IL12RB1: variants seen among roughly 807,000 people sequenced by gnomAD.
IL12RB1 encodes interleukin 12 receptor subunit beta 1.
Under a neutral mutation model 94.4 loss-of-function variants are expected in IL12RB1, and 64 were observed. The observed-to-expected ratio is 0.68, with a 90% CI of 0.55 to 0.83. IL12RB1 has a LOEUF of 0.83. Ranked by LOEUF, IL12RB1 falls within the 40% of genes least tolerant of loss-of-function variation. The pLI is 0.00. For synonymous variants in IL12RB1, 362 were observed against 355.5 expected (o/e 1.02, Z -0.21); for missense variants, 814 against 855.6 (o/e 0.95, Z 0.61).
Position 18,071,326 on chromosome 19 carries a change from C to T in IL12RB1, c.1021+786G>A, listed in dbSNP as rs569529842. 3.6e-6 allele frequency: 3 copies of T among 824,438 alleles called. No homozygotes were observed. In the African/African-American group the frequency reaches 5.3e-5, roughly 14 times the overall value. 51.1% of individuals were successfully genotyped at this position (824,438 alleles called of 1,614,324 possible). ...GGCGGAGGTTGCAGTGAGCTGAGAT[C>T]ATGCCATCTGTCACAAGAAAAAAAA... On this transcript the variant is annotated intron_variant, in intron 9 of 16. Transcript: ENST00000593993.
intron 1 of IL12RB1, among the ~76,000 whole-genome samples, chr19:18,096,937 G>C (rs2036991311): frequency 6.6e-6 from 1 of 152,018 alleles, no homozygotes; most frequent in Admixed American, 6.6e-5. Flanking sequence ...TTGAGGCCAG[G>C]AGTTCAAGAC....
chr19:18,061,402 T>G (rs2034118070), intron 14 of IL12RB1, among the ~76,000 whole-genome samples: 1 of 152,114 alleles, frequency 6.6e-6, no homozygotes, highest in Admixed American at 6.5e-5. Flanking sequence ...GGCTAATTTT[T>G]GTAGTTTTGG....
chr19:18,079,441 TA>T (rs1267953638), intron 4 of IL12RB1, among the ~76,000 whole-genome samples: 1 of 152,058 alleles, frequency 6.6e-6, no homozygotes, highest in African/African-American at 2.4e-5. Flanking sequence ...CAATATACAT[TA>T]TTTTTAATTA....
At chr19:18,083,738 A>G (rs1275968680) in intron 1 of IL12RB1, among the ~76,000 whole-genome samples, 1 of 148,666 alleles carries the variant, frequency 6.7e-6, no homozygotes. Flanking sequence ...GAATTCATCC[A>G]TTCACCCATC....
rs758908533 is a variant in IL12RB1 at position 18,063,962 on chromosome 19, C to T, written c.1532G>A (p.Arg511Gln). The T allele has an allele frequency of 8.7e-6, 14 of 1,612,534 alleles. No homozygotes were observed. The highest frequency in any genetic ancestry group is 1.6e-4 in the Middle Eastern group (1 of 6,072). ...TETQVTLSGLRAGVAYTVQVR... is the reference protein window; with the variant it reads ...TETQVTLSGLQAGVAYTVQVR... ...CTGCACCGTGTAGGCTACACCAGCC[C>T]GCAGGCCACTGAGGGTAACTTGGGT... is the stretch of plus-strand genomic sequence containing the variant. Residue 511 changes from arginine (R) to glutamine (Q), a missense_variant, in exon 13 of 17, where the codon CGG (arginine) becomes CAG (glutamine). By Grantham distance (43) the Arg-to-Gln change is conservative. Transcript: ENST00000593993.
At chr19:18,097,919 C>T in intron 1 of IL12RB1, 1 of 1,065,020 alleles carries the variant, frequency 9.4e-7, no homozygotes, top group Non-Finnish European at 1.2e-6. Context: ...GGGGCCTTCA[C>T]GGGCTGTAGG....
rs2034017654 is a variant in IL12RB1 at position 18,060,095 on chromosome 19, G to A, written c.1792-10C>T. On this transcript the variant is annotated splice_polypyrimidine_tract_variant and intron_variant, in intron 15 of 16. Transcript: ENST00000593993. ...TGATCCACTGCCAAGTCTGCAGAGG[G>A]AGGGTAGGGCCACAGCTGTGAGCAG... The A allele has an allele frequency of 1.3e-6, 2 of 1,537,212 alleles. No homozygotes were observed. Among genetic ancestry groups the A allele is most frequent in the Admixed American group, 1.7e-5 (1 of 59,046 alleles).
At chr19:18,092,141 GGC>G (rs2036657356) in intron 1 of IL12RB1, among the ~76,000 whole-genome samples, 1 of 150,808 alleles carries the variant, frequency 6.6e-6, no homozygotes, top group Admixed American at 6.6e-5. Flanking sequence ...CCTCCCAAAG[GGC>G]TGGGATTACC....
At chr19:18,096,587 A>C (rs55714539) in intron 1 of IL12RB1, among the ~76,000 whole-genome samples, 51,821 of 151,724 alleles carry the variant, frequency 0.34, 8,883 homozygotes, top group African/African-American at 0.35. Flanking sequence ...GCAATCCCAG[A>C]ACTTTGGGAG....
intron 4 of IL12RB1, 24 bp from the exon 5 acceptor site, chr19:18,077,679 C>A (rs777389694): frequency 1.3e-6 from 2 of 1,513,518 alleles, no homozygotes; most frequent in South Asian, 1.1e-5. Context: ...TAGGGATTGG[C>A]GAGGGGCAGC....
At position 18,068,129 on chromosome 19, in the gene IL12RB1, G is replaced by T. The variant is rs148549363; in HGVS notation, c.1327+260C>A. ...CAACCTCCGCCTCCTGGGTTCAAGC[G>T]ATTCTCCTGCCTCAGCCTCCCAAGT... On this transcript the variant is annotated intron_variant, in intron 11 of 16. Coordinates refer to ENST00000593993, the MANE Select transcript of IL12RB1 (RefSeq NM_005535.3). 4.5e-3 allele frequency among the ~76,000 whole-genome samples: 647 copies of T among 142,480 alleles called. 5 individuals carry two copies. Among genetic ancestry groups the T allele is most frequent in the African/African-American group, 0.016 (617 of 38,506 alleles). 93.5% of individuals were successfully genotyped at this position (142,480 alleles called of 152,430 possible). A position where few individuals can be genotyped will look rare whatever the true frequency, so the allele number is the denominator to read the frequency against.
At chr19:18,098,474 A>G (rs1292643524) in intron 1 of IL12RB1, among the ~76,000 whole-genome samples, 2 of 152,070 alleles carry the variant, frequency 1.3e-5, no homozygotes, top group Non-Finnish European at 2.9e-5. Context: ...CAGTTTTCCA[A>G]TGAGCCATAG....
rs760762114 is a variant in IL12RB1, at chr19:18,086,740, G to A, written c.64+20C>T. ...TCCACCCAGCAAGAGGAGCCGCCAT[G>A]CCAGGGTCAGGGGACTCACCGCCCT... On this transcript the variant is annotated intron_variant, in intron 1 of 16. Coordinates refer to ENST00000593993, the MANE Select transcript of IL12RB1 (RefSeq NM_005535.3). The A allele has an allele frequency of 4.4e-6, 7 of 1,603,226 alleles. No individual in the cohort carries two copies. Among genetic ancestry groups the A allele is most frequent in the Non-Finnish European group, 6.0e-6 (7 of 1,174,882 alleles).
At chr19:18,088,404 T>TATATATAA (rs1038225227), upstream of IL12RB1, among the ~76,000 whole-genome samples, 4 of 137,732 alleles carry the variant, frequency 2.9e-5, no homozygotes, top group African/African-American at 5.7e-5. Flanking sequence ...TATATATATA[T>TATATATAA]AAATTAAAAG....
chr19:18,090,831 C>G (rs1308019895), upstream of IL12RB1: 2 of 152,496 alleles, frequency 1.3e-5, no homozygotes, highest in Non-Finnish European at 2.9e-5. Flanking sequence ...GACACAGACG[C>G]CCCTAGCCCC....
At chr19:18,098,668 G>C (rs970686420) in intron 1 of IL12RB1, 14 of 455,092 alleles carry the variant, frequency 3.1e-5, no homozygotes, top group South Asian at 2.2e-4. Flanking sequence ...CAGGAATTAA[G>C]ATTTGGCCAT....
upstream of IL12RB1, among the ~76,000 whole-genome samples, chr19:18,087,208 CA>C (rs1188661987): frequency 1.5e-5 from 2 of 133,748 alleles, no homozygotes; most frequent in Middle Eastern, 3.6e-3. Flanking sequence ...CCTCTCTAGC[CA>C]ATTTTTTTTT....
Position 18,068,499 on chromosome 19 carries a change from C to A in IL12RB1, c.1217G>T (p.Gly406Val), listed in dbSNP as rs199504990. ...GTAACACTTTTCCTGCCCCATTGCC[C>A]CAGACTCTCGACTCCAGCTGTAGGT... ...MATYSWSRES[G>V]AMGQEKCYYI... Residue 406 changes from glycine (G) to valine (V), a missense_variant, in exon 11 of 17, where the codon GGG becomes GTG. Transcript: ENST00000593993. The A allele has an allele frequency of 9.9e-5, 160 of 1,612,548 alleles. No homozygotes were observed. The highest frequency in any genetic ancestry group is 1.3e-4 in the Non-Finnish European group (150 of 1,178,942).
intron 10 of IL12RB1, among the ~76,000 whole-genome samples, chr19:18,068,809 C>A (rs959677325): frequency 2.0e-5 from 3 of 148,992 alleles, no homozygotes; most frequent in Non-Finnish European, 3.0e-5. Context: ...AGTGCAATAG[C>A]GCAATCTTGA....
Sources: gnomAD v4.1 joint callset for allele counts (sites outside exome capture counted in the v4.1 genomes callset) on GRCh38, gnomAD v4.1.1 for gene constraint, MANE v1.5 for transcripts, NCBI Gene and HGNC (gene_info 2026-07-23, HGNC 2026-07-21) for gene names.